Variants in EPB41L2 observed in about 807,000 individuals in gnomAD.
The protein encoded by EPB41L2 is erythrocyte membrane protein band 4.1 like 2, also known as band 4.1-like protein 2.
EPB41L2 carries 43 observed loss-of-function variants against 113.0 expected under a neutral mutation model. The ratio of observed to expected loss-of-function variants is 0.38; its 90% CI spans 0.30 to 0.49. The LOEUF is 0.49. Ranked by LOEUF, EPB41L2 falls within the 20% of genes least tolerant of loss-of-function variation. EPB41L2 has a pLI of 0.95. For synonymous variants in EPB41L2, 442 were observed against 436.7 expected (o/e 1.01, Z -0.15); for missense variants, 1,147 against 1,223.4 (o/e 0.94, Z 0.93).
intron 19 of EPB41L2, among the ~76,000 whole-genome samples, chr6:130,847,542 A>G (rs1469480290): frequency 5.3e-5 from 8 of 152,206 alleles, no homozygotes; most frequent in Admixed American, 5.2e-4. Flanking sequence ...AAAAAACAAC[A>G]GAATTGCATT....
rs1794238971 is a variant in EPB41L2, at chr6:130,895,145, T to C, written c.1237-26A>G. 10 of 1,588,932 alleles carry C rather than the reference T, an allele frequency of 6.3e-6. No individual in the cohort carries two copies. In the East Asian group the frequency reaches 6.8e-5, roughly 11 times the overall value. ...CTGCCAAGCATAACCCAATTAACCA[T>C]GGTTAAGAGCTGTGAAAGTTACACA... On this transcript the variant is annotated intron_variant, in intron 8 of 19. Transcript: ENST00000337057.
chr6:130,938,219 A>G (rs1697397347), intron 3 of EPB41L2, among the ~76,000 whole-genome samples: 1 of 152,234 alleles, frequency 6.6e-6, no homozygotes, highest in African/African-American at 2.4e-5. Flanking sequence ...GATGACAAGC[A>G]ACTTCTAGGC....
At chr6:130,962,030 A>G (rs1421450534) in intron 1 of EPB41L2, among the ~76,000 whole-genome samples, 1 of 152,192 alleles carries the variant, frequency 6.6e-6, no homozygotes, top group Non-Finnish European at 1.5e-5. Context: ...GGTAGAGGAT[A>G]TGTAGAGCAT....
chr6:130,945,085 T>C (rs922442444), intron 3 of EPB41L2, among the ~76,000 whole-genome samples: 1 of 152,212 alleles, frequency 6.6e-6, no homozygotes, highest in African/African-American at 2.4e-5. Flanking sequence ...CATTAAATTA[T>C]TCCTAGTTCC....
At chr6:130,920,171 AC>A (rs1435499222) in intron 4 of EPB41L2, among the ~76,000 whole-genome samples, 1 of 152,132 alleles carries the variant, frequency 6.6e-6, no homozygotes, top group African/African-American at 2.4e-5. Flanking sequence ...AAATCTGCCA[AC>A]CCCAAAACTC....
At chr6:130,914,329 T>C (rs566890131) in intron 4 of EPB41L2, among the ~76,000 whole-genome samples, 1 of 152,352 alleles carries the variant, frequency 6.6e-6, no homozygotes, top group Middle Eastern at 3.4e-3. Flanking sequence ...ATAGGTGATG[T>C]GTTATATACA....
chr6:131,034,033 A>G (rs1164018045), intron 1 of EPB41L2, among the ~76,000 whole-genome samples: 2 of 152,252 alleles, frequency 1.3e-5, no homozygotes, highest in Non-Finnish European at 2.9e-5. Flanking sequence ...CATCACCAAC[A>G]ATTACTTGAA....
At chr6:130,971,652 A>C (rs1409566898) in intron 1 of EPB41L2, among the ~76,000 whole-genome samples, 1 of 152,216 alleles carries the variant, frequency 6.6e-6, no homozygotes, top group Admixed American at 6.5e-5. Flanking sequence ...GCTACTAAAA[A>C]TGGTTTGCAA....
At chr6:130,867,656 T>C (rs769458733) in intron 15 of EPB41L2, 75 bp from the exon 16 acceptor site, 1 of 1,543,572 alleles carries the variant, frequency 6.5e-7, no homozygotes, top group Non-Finnish European at 8.9e-7. Context: ...CCTTCACAAA[T>C]AATAGTAAGA....
At chr6:130,864,900 G>A (rs1783232488) in intron 17 of EPB41L2, among the ~76,000 whole-genome samples, 1 of 152,202 alleles carries the variant, frequency 6.6e-6, no homozygotes, top group Admixed American at 6.5e-5. Flanking sequence ...AATAAGGCTG[G>A]AGTTAGAAAG....
chr6:130,877,875 T>C (rs939127008), intron 14 of EPB41L2, among the ~76,000 whole-genome samples: 64 of 152,224 alleles, frequency 4.2e-4, no homozygotes, highest in African/African-American at 1.4e-3. Flanking sequence ...AGTGAAATTA[T>C]CCTAAAACTA....
intron 12 of EPB41L2, chr6:130,881,208 T>A (rs1789207911): frequency 1.3e-5 from 2 of 152,228 alleles, no homozygotes; most frequent in African/African-American, 2.4e-5. Context: ...GCAAATCATT[T>A]AACCTTTATA....
chr6:130,842,245 CT>C (rs1775742319), intron 19 of EPB41L2, among the ~76,000 whole-genome samples: 1 of 152,010 alleles, frequency 6.6e-6, no homozygotes, highest in African/African-American at 2.4e-5. Context: ...TGTTGTCTGC[CT>C]TAGGTTATTT....
chr6:130,914,591 A>C (rs1327660783), intron 4 of EPB41L2, among the ~76,000 whole-genome samples: 3 of 152,158 alleles, frequency 2.0e-5, no homozygotes, highest in Non-Finnish European at 2.9e-5. Context: ...AGAACATCCT[A>C]AAACATTCTC....
intron 1 of EPB41L2, among the ~76,000 whole-genome samples, chr6:130,993,925 A>G (rs1584356322): frequency 6.6e-6 from 1 of 152,212 alleles, no homozygotes; most frequent in Non-Finnish European, 1.5e-5. Context: ...TTCCAGGTAT[A>G]AGGTTAAAAA....
At chr6:130,979,461 C>T (rs1381452965) in intron 1 of EPB41L2, among the ~76,000 whole-genome samples, 1 of 140,902 alleles carries the variant, frequency 7.1e-6, no homozygotes, top group Non-Finnish European at 1.5e-5. Flanking sequence ...TGCCACTGCA[C>T]TCCAGCCTGG....
intron 19 of EPB41L2, among the ~76,000 whole-genome samples, chr6:130,851,630 A>G (rs1365024281): frequency 2.0e-5 from 3 of 152,130 alleles, no homozygotes; most frequent in African/African-American, 4.8e-5. Context: ...TCAACTTAAT[A>G]TGTTTTCATG....
chr6:131,004,211 C>T (rs1469769550), intron 1 of EPB41L2, among the ~76,000 whole-genome samples: 1 of 152,102 alleles, frequency 6.6e-6, no homozygotes, highest in African/African-American at 2.4e-5. Flanking sequence ...ACTATACATA[C>T]TCCCAACAAC....
At chr6:130,944,240 G>A (rs1447515691) in intron 3 of EPB41L2, among the ~76,000 whole-genome samples, 2 of 150,652 alleles carry the variant, frequency 1.3e-5, no homozygotes, top group Admixed American at 6.6e-5. Context: ...AATTAGAGGG[G>A]ATGGAGAGAA....
Sources: allele counts gnomAD v4.1 joint callset (sites outside exome capture counted in the v4.1 genomes callset), GRCh38; gene constraint gnomAD v4.1.1; transcripts MANE v1.5; gene names NCBI Gene and HGNC (gene_info 2026-07-23, HGNC 2026-07-21).